TTLL4: variants seen among roughly 807,000 people sequenced by gnomAD.
TTLL4 encodes tubulin tyrosine ligase like 4, also known as tubulin monoglutamylase TTLL4.
A neutral mutation model predicts 122.7 loss-of-function variants in TTLL4; 85 were observed. The observed-to-expected ratio is 0.69, with a 90% CI of 0.58 to 0.83. TTLL4 has a LOEUF of 0.83. Among genes scored for constraint, TTLL4 ranks in the 40% least tolerant of loss-of-function variants. TTLL4 has a pLI of 0.00. For missense variants in TTLL4, 1,363 were observed against 1,488.6 expected, an observed-to-expected ratio of 0.92 and a Z score of 1.39; for synonymous variants, 553 against 563.0, an observed-to-expected ratio of 0.98 and a Z score of 0.25.
intron 19 of TTLL4, 112 bp from the exon 20 acceptor site, chr2:218,754,022 C>T (rs1245526452): frequency 1.4e-6 from 2 of 1,463,976 alleles, no homozygotes; most frequent in Non-Finnish European, 9.3e-7. Context: ...GTAATTTTGG[C>T]CTACAACACT....
At chr2:218,745,889 T>A in intron 7 of TTLL4, 88 bp downstream of exon 7, 1 of 1,258,856 alleles carries the variant, frequency 7.9e-7, no homozygotes, top group Non-Finnish European at 1.1e-6. Context: ...ACCTCGTGCC[T>A]ATGTCGGGGC....
At chr2:218,752,033 G>A (rs1465399442) in intron 16 of TTLL4, among the ~76,000 whole-genome samples, 1 of 150,482 alleles carries the variant, frequency 6.6e-6, no homozygotes, top group Non-Finnish European at 1.5e-5. Context: ...TCAGCCTCCC[G>A]AGTAGCTGGG....
chr2:218,743,545 T>C (rs1559370039), intron 5 of TTLL4, among the ~76,000 whole-genome samples: 1 of 152,190 alleles, frequency 6.6e-6, no homozygotes, highest in Non-Finnish European at 1.5e-5. Flanking sequence ...GAAGTCTTCA[T>C]CTCTCTGGGA....
chr2:218,737,364 G>A (rs775080301), intron 2 of TTLL4, among the ~76,000 whole-genome samples: 3 of 152,140 alleles, frequency 2.0e-5, no homozygotes, highest in Non-Finnish European at 4.4e-5. Context: ...GTTTTAGTCC[G>A]TAATGAAGCC....
chr2:218,755,631 CCTTTA>C (rs1417070053), downstream of TTLL4, among the ~76,000 whole-genome samples: 2 of 152,106 alleles, frequency 1.3e-5, no homozygotes, highest in African/African-American at 4.8e-5. Flanking sequence ...CCCTGTAGTC[CCTTTA>C]CTTAGTTTTT....
Position 218,737,674 on chromosome 2 carries a change from C to T in TTLL4, c.-3C>T. 6.3e-7 allele frequency: 1 copy of T among 1,584,278 alleles called. No individual in the cohort carries two copies. The highest frequency in any genetic ancestry group is 8.6e-7 in the Non-Finnish European group (1 of 1,163,952). Reference sequence around the variant, plus strand: ...GACCGTGTGGCCATGATGTGGGCCCCTCATGGCCTCAGCAGGAACACAGCA... The same window carrying T: ...GACCGTGTGGCCATGATGTGGGCCCTTCATGGCCTCAGCAGGAACACAGCA... On this transcript the variant is annotated 5_prime_UTR_variant, in exon 3 of 20. Transcript: ENST00000392102.
chr2:218,748,899 G>T lies in TTLL4; in HGVS notation c.2565G>T (p.Glu855Asp). 1.9e-6 allele frequency: 3 copies of T among 1,614,158 alleles called. No homozygotes were observed. Among genetic ancestry groups the T allele is most frequent in the Non-Finnish European group, 1.7e-6 (2 of 1,180,020 alleles). The change falls in exon 13 of 20, where the codon GAG becomes GAT. Residue 855 changes from glutamate (E) to aspartate (D), a missense_variant. Coordinates refer to ENST00000392102, the MANE Select transcript of TTLL4 (RefSeq NM_014640.5). ...QKGVNSDAIW[E>D]KIKDVVVKTI... The stretch of plus-strand genomic sequence containing the variant: ...GAGTCAATAGCGACGCCATCTGGGA[G>T]AAGATAAAGGATGTTGTTGTCAAAA...
In TTLL4 at chr2:218,754,584, G is replaced by A. The variant is rs932152833; in HGVS notation, c.*195G>A. 6 of 751,670 alleles carry A rather than the reference G, an allele frequency of 8.0e-6. 1 individual carries two copies. Among genetic ancestry groups the A allele is most frequent in the South Asian group, 7.7e-5 (4 of 51,756 alleles). The allele number at this position is 751,670 out of a possible 1,614,324, so 46.6% of individuals were successfully genotyped here. The stretch of plus-strand genomic sequence containing the variant: ...GATGGTAGTGATGGGGAGAAGGTGA[G>A]GAAGGGTCACCCTCTGTCACCTGTC... On this transcript the variant is annotated 3_prime_UTR_variant, in exon 20 of 20. Coordinates refer to ENST00000392102, the MANE Select transcript of TTLL4 (RefSeq NM_014640.5).
At chr2:218,731,275 G>A (rs1043536424) in intron 2 of TTLL4, among the ~76,000 whole-genome samples, 1 of 152,028 alleles carries the variant, frequency 6.6e-6, no homozygotes, top group African/African-American at 2.4e-5. Context: ...GCCAGGCGTC[G>A]TGGCGGGTGC....
chr2:218,711,320 C>T (rs1297676627), intron 1 of TTLL4, among the ~76,000 whole-genome samples: 2 of 152,222 alleles, frequency 1.3e-5, no homozygotes, highest in Non-Finnish European at 2.9e-5. Context: ...TGCCTCATCC[C>T]CTAGTTATGG....
intron 5 of TTLL4, among the ~76,000 whole-genome samples, chr2:218,741,155 T>C (rs941218900): frequency 5.3e-5 from 8 of 152,172 alleles, no homozygotes; most frequent in Non-Finnish European, 1.0e-4. Flanking sequence ...TTTGGGAGAC[T>C]AAGATGGGTG....
At chr2:218,749,033 G>T in intron 13 of TTLL4, 99 bp downstream of exon 13, 1 of 1,419,536 alleles carries the variant, frequency 7.0e-7, no homozygotes, top group Non-Finnish European at 9.8e-7. Flanking sequence ...CCATGCTGTG[G>T]TTTGGTTTTA....
At chr2:218,726,561 G>T (rs1333957019) in intron 1 of TTLL4, among the ~76,000 whole-genome samples, 7 of 152,066 alleles carry the variant, frequency 4.6e-5, no homozygotes, top group African/African-American at 1.7e-4. Flanking sequence ...TGCCTCCCGG[G>T]TTCAAGCGAT....
intron 2 of TTLL4, chr2:218,728,171 G>A (rs1942250712): frequency 6.6e-6 from 1 of 152,318 alleles, no homozygotes. Flanking sequence ...GGTGGGGGAG[G>A]CGATGGTTTG....
chr2:218,757,194 A>G (rs1943168814), downstream of TTLL4, among the ~76,000 whole-genome samples: 1 of 152,200 alleles, frequency 6.6e-6, no homozygotes, highest in African/African-American at 2.4e-5. Flanking sequence ...AGGTGGGAAG[A>G]GACAGGCAAG....
intron 2 of TTLL4, among the ~76,000 whole-genome samples, chr2:218,729,757 A>AC (rs1559361874): frequency 0.046 from 5,137 of 111,962 alleles, 312 homozygotes; most frequent in African/African-American, 0.18. Flanking sequence ...TTAAAAAAAA[A>AC]AAAAACAAAA....
At chr2:218,721,018 T>G (rs1395479473) in intron 1 of TTLL4, among the ~76,000 whole-genome samples, 1 of 152,210 alleles carries the variant, frequency 6.6e-6, no homozygotes, top group Non-Finnish European at 1.5e-5. Flanking sequence ...GTTGAGCACA[T>G]GAATGTACCT....
intron 8 of TTLL4, 78 bp downstream of exon 8, chr2:218,746,309 T>A: frequency 7.1e-7 from 1 of 1,415,630 alleles, no homozygotes. Context: ...GAGTAGGGGG[T>A]AGGGGGCGGG....
chr2:218,752,281 C>T (rs1044635955), intron 16 of TTLL4, among the ~76,000 whole-genome samples: 2 of 152,212 alleles, frequency 1.3e-5, no homozygotes, highest in Admixed American at 6.5e-5. Context: ...GATTTGTTGG[C>T]ATGTCTGTCA....
Sources: allele counts gnomAD v4.1 joint callset (sites outside exome capture counted in the v4.1 genomes callset), GRCh38; gene constraint gnomAD v4.1.1; transcripts MANE v1.5; gene names NCBI Gene and HGNC (gene_info 2026-07-23, HGNC 2026-07-21).